IARS2: variants seen among roughly 807,000 people sequenced by gnomAD.
The protein encoded by IARS2 is isoleucyl-tRNA synthetase 2, mitochondrial, also known as isoleucine--tRNA ligase, mitochondrial.
IARS2 carries 56 observed loss-of-function variants against 126.3 expected under a neutral mutation model. The ratio of observed to expected loss-of-function variants is 0.44; its 90% CI spans 0.36 to 0.55. The LOEUF (loss-of-function observed/expected upper bound fraction) is 0.55, where lower values mean the gene tolerates loss of function less well. Ranked by LOEUF, IARS2 falls within the 20% of genes least tolerant of loss-of-function variation. The pLI, the probability that IARS2 is intolerant of heterozygous loss-of-function variation, is 0.00. For synonymous variants in IARS2, 407 were observed against 441.1 expected (o/e 0.92, Z 0.97); for missense variants, 1,127 against 1,245.9 (o/e 0.90, Z 1.44).
chr1:220,138,608 TATTA>T lies in IARS2; in HGVS notation c.2176-396_2176-393del, dbSNP rs1034329063. Among the ~76,000 whole-genome samples the T allele has an allele frequency of 3.1e-4, 47 of 151,850 alleles. 1 individual carries two copies. Among genetic ancestry groups the T allele is most frequent in the Middle Eastern group, 7.1e-3 (2 of 282 alleles). ...ATGTAATATAGCATAGTATAGATTA[TATTA>T]ATTTTGTATACTTTTATGTACTCAA... is the stretch of plus-strand genomic sequence containing the variant. On this transcript the variant is annotated intron_variant, in intron 17 of 22. Transcript: ENST00000366922.
intron 22 of IARS2, among the ~76,000 whole-genome samples, chr1:220,146,573 C>CT (rs1657598296): frequency 6.9e-6 from 1 of 145,364 alleles, no homozygotes; most frequent in Non-Finnish European, 1.5e-5. Context: ...TTTTTCATAG[C>CT]TTTTGGGTAC....
chr1:220,119,617 T>C (rs1268313427), intron 12 of IARS2, among the ~76,000 whole-genome samples: 1 of 152,126 alleles, frequency 6.6e-6, no homozygotes, highest in East Asian at 1.9e-4. Context: ...CTTGGTTTCA[T>C]TATAAAAAAA....
intron 14 of IARS2, among the ~76,000 whole-genome samples, chr1:220,132,307 C>T (rs1558129233): frequency 6.6e-6 from 1 of 152,062 alleles, no homozygotes; most frequent in Admixed American, 6.6e-5. Flanking sequence ...CCATCTGGTC[C>T]TAGACTTTTC....
chr1:220,123,024 A>G (rs1337996008), intron 12 of IARS2, among the ~76,000 whole-genome samples: 1 of 150,510 alleles, frequency 6.6e-6, no homozygotes, highest in Non-Finnish European at 1.5e-5. Context: ...ATCAATTGTA[A>G]TTGTGCGTAT....
intron 1 of IARS2, 34 bp downstream of exon 1, chr1:220,094,517 G>A: frequency 1.2e-5 from 18 of 1,532,746 alleles, no homozygotes; most frequent in Non-Finnish European, 1.6e-5. Context: ...GGCCTCCAGA[G>A]AGGCCCGATC....
rs903221357 is a variant in IARS2, at chr1:220,096,041, A to G, written c.268-63A>G. On this transcript the variant is annotated intron_variant, in intron 1 of 22. Transcript: ENST00000366922. ...AATAAGCAAGTGTTGGCTGTTATTT[A>G]TGGTTAGACTCAGGAGTATGTATTT... is the stretch of plus-strand genomic sequence containing the variant. The G allele has an allele frequency of 2.5e-5, 23 of 919,792 alleles. 1 individual carries two copies. The highest frequency in any genetic ancestry group is 1.5e-4 in the African/African-American group (9 of 59,600). The allele number at this position is 919,792 out of a possible 1,614,324, so 57.0% of individuals were successfully genotyped here.
chr1:220,140,942 A>G (rs1024659590), intron 19 of IARS2, among the ~76,000 whole-genome samples: 1 of 147,114 alleles, frequency 6.8e-6, no homozygotes, highest in Non-Finnish European at 1.5e-5. Flanking sequence ...CGAGATCGTG[A>G]CACTGCACTT....
In IARS2 at chr1:220,106,763, G is replaced by C. The variant is rs562734614; in HGVS notation, c.1237-298G>C. Among the ~76,000 whole-genome samples, 199 of 151,834 alleles carry C rather than the reference G, an allele frequency of 1.3e-3. 1 individual carries two copies. The highest frequency in any genetic ancestry group is 2.1e-3 in the Non-Finnish European group (141 of 67,986). On this transcript the variant is annotated intron_variant, in intron 9 of 22. Transcript: ENST00000366922. The stretch of plus-strand genomic sequence containing the variant: ...TTCTCCTGCCTCAGCCTCCCGAGTA[G>C]CTGGGACTACAGGTGCACACCACCA...
chr1:220,123,722 C>T (rs1657097267), intron 12 of IARS2, among the ~76,000 whole-genome samples: 1 of 152,186 alleles, frequency 6.6e-6, no homozygotes, highest in Non-Finnish European at 1.5e-5. Flanking sequence ...CGTGATCCGC[C>T]CGCCTCAGCC....
intron 18 of IARS2, 142 bp from the exon 19 acceptor site, chr1:220,140,040 AT>A: frequency 1.5e-6 from 1 of 651,478 alleles, no homozygotes; most frequent in Admixed American, 2.8e-5. Context: ...CATTTGGAAG[AT>A]TCCCAGGAGT....
intron 16 of IARS2, 150 bp downstream of exon 16, chr1:220,137,061 T>C (rs1191358274): frequency 3.7e-6 from 2 of 542,574 alleles, no homozygotes; most frequent in Admixed American, 7.3e-5. Context: ...AGGCAGAGGC[T>C]GGGATTGTGG....
intron 8 of IARS2, among the ~76,000 whole-genome samples, chr1:220,105,183 T>A (rs1392540590): frequency 6.6e-6 from 1 of 152,146 alleles, no homozygotes; most frequent in Non-Finnish European, 1.5e-5. Flanking sequence ...CAAGCAATCT[T>A]CCTGCCACAG....
Position 220,102,695 on chromosome 1 carries a change from T to C in IARS2, c.868T>C (p.Ser290Pro). 1 of 1,611,828 alleles carries C rather than the reference T, an allele frequency of 6.2e-7. No individual in the cohort carries two copies. The highest frequency in any genetic ancestry group is 8.5e-7 in the Non-Finnish European group (1 of 1,177,882). Residue 290 changes from serine (S) to proline (P), a missense_variant, in exon 7 of 23, where the codon TCT becomes CCT. Physicochemically the swap from Ser to Pro is moderately conservative, Grantham distance 74. Coordinates refer to ENST00000366922, the MANE Select transcript of IARS2 (RefSeq NM_018060.4). ...CAATTGTATTTTCACAGATGGTTCATCTCCTGTTAGTATTTTGGTCTGGAC... is the reference window on the plus strand; with the variant it reads ...CAATTGTATTTTCACAGATGGTTCACCTCCTGTTAGTATTTTGGTCTGGAC... ...PKLASLIDGS[S>P]PVSILVWTTQ...
At chr1:220,138,483 A>G (rs1657425866) in intron 17 of IARS2, among the ~76,000 whole-genome samples, 1 of 152,030 alleles carries the variant, frequency 6.6e-6, no homozygotes, top group African/African-American at 2.4e-5. Context: ...AAAAACAAAA[A>G]ACTCCTGTGT....
intron 13 of IARS2, among the ~76,000 whole-genome samples, chr1:220,126,183 G>A (rs1186388639): frequency 6.6e-6 from 1 of 152,098 alleles, no homozygotes; most frequent in African/African-American, 2.4e-5. Context: ...GCCGAGGCAG[G>A]AGAATCACTT....
intron 14 of IARS2, among the ~76,000 whole-genome samples, chr1:220,127,699 A>G (rs1657182299): frequency 6.6e-6 from 1 of 152,186 alleles, no homozygotes; most frequent in African/African-American, 2.4e-5. Context: ...TAGCTTGTCT[A>G]TGAATCACAC....
intron 16 of IARS2, 142 bp from the exon 17 acceptor site, chr1:220,137,775 GC>G (rs1275804279): frequency 3.8e-6 from 3 of 795,780 alleles, no homozygotes; most frequent in Admixed American, 5.7e-5. Context: ...GAGATTGTTA[GC>G]CCGCATTTCA....
chr1:220,145,838 G>GATC (rs967166827), intron 22 of IARS2, among the ~76,000 whole-genome samples, 185 bp downstream of exon 22: 1 of 152,172 alleles, frequency 6.6e-6, no homozygotes, highest in African/African-American at 2.4e-5. Context: ...CTTACCTGAT[G>GATC]ATCTTGGGAA....
Position 220,094,179 on chromosome 1 carries a change from C to T in IARS2, c.-38C>T, listed in dbSNP as rs760303817. 15 of 1,492,536 alleles carry T rather than the reference C, an allele frequency of 1.0e-5. No individual in the cohort carries two copies. The East Asian group carries it at 3.4e-4, about 34-fold the overall frequency. The allele number at this position is 1,492,536 out of a possible 1,614,324, so 92.5% of individuals were successfully genotyped here. A position where few individuals can be genotyped will look rare whatever the true frequency, so the allele number is the denominator to read the frequency against. ...GGGGTCCTGCCCCTTCAAGCTGGGGCGGGAGCGGAGGACCCCGCTCTCAGG... is the reference window on the plus strand; with the variant it reads ...GGGGTCCTGCCCCTTCAAGCTGGGGTGGGAGCGGAGGACCCCGCTCTCAGG... On this transcript the variant is annotated 5_prime_UTR_variant, in exon 1 of 23. Coordinates refer to ENST00000366922, the MANE Select transcript of IARS2 (RefSeq NM_018060.4).
Sources: gnomAD v4.1 joint callset for allele counts (sites outside exome capture counted in the v4.1 genomes callset) on GRCh38, gnomAD v4.1.1 for gene constraint, MANE v1.5 for transcripts, NCBI Gene and HGNC (gene_info 2026-07-23, HGNC 2026-07-21) for gene names.